The following RNASEH1 variants were observed in gnomAD, a reference collection of about 807,000 sequenced individuals.
RNASEH1 encodes ribonuclease H1.
A neutral mutation model predicts 34.6 loss-of-function variants in RNASEH1; 27 were observed. The observed-to-expected ratio is 0.78, with a 90% confidence interval of 0.58 to 1.08. RNASEH1 has a LOEUF of 1.08. Ranked by LOEUF, RNASEH1 falls within the 50% of genes least tolerant of loss-of-function variation. The pLI is 0.00. For missense variants in RNASEH1, 349 were observed against 373.6 expected (o/e 0.93, Z 0.54); for synonymous variants, 162 against 138.4 (o/e 1.17, Z -1.20).
rs562154560 is a variant in RNASEH1 at position 3,555,361 on chromosome 2, A to G, written c.244+1428T>C. 3.1e-4 allele frequency among the ~76,000 whole-genome samples: 47 copies of G among 152,346 alleles called. No homozygotes were observed. In the South Asian group the frequency reaches 5.2e-3, roughly 17 times the overall value. ...CTCAGCTTATTGGCTGTCATGCAGT[A>G]AGCAGTAAGAACTGTCACATCGATG... is the stretch of plus-strand genomic sequence containing the variant. On this transcript the variant is annotated intron_variant, in intron 2 of 7. Coordinates refer to ENST00000315212, the MANE Select transcript of RNASEH1 (RefSeq NM_002936.6).
chr2:3,547,532 G>C (rs7420482), intron 7 of RNASEH1, among the ~76,000 whole-genome samples: 1 of 150,452 alleles, frequency 6.6e-6, no homozygotes, highest in Non-Finnish European at 1.5e-5. Flanking sequence ...TCGTTGCTCA[G>C]GCTGGAGTGC....
At chr2:3,552,831 T>C (rs1248443037) in intron 2 of RNASEH1, among the ~76,000 whole-genome samples, 1 of 151,814 alleles carries the variant, frequency 6.6e-6, no homozygotes, top group African/African-American at 2.4e-5. Flanking sequence ...CCCCTTTGCT[T>C]AAAAATAGAT....
the RNASEH1 span, chr2:3,532,110 G>A: frequency 1.6e-6 from 1 of 623,928 alleles, no homozygotes. Flanking sequence ...ACGAGTCAGG[G>A]AAGGGGAGTT....
chr2:3,543,377 G>A lies in RNASEH1; in HGVS notation c.*2408C>T, dbSNP rs1160478692. Among the ~76,000 whole-genome samples the A allele has an allele frequency of 6.6e-6, 1 of 152,172 alleles. No individual in the cohort carries two copies. The highest frequency in any genetic ancestry group is 1.5e-5 in the Non-Finnish European group (1 of 68,020). On this transcript the variant is annotated 3_prime_UTR_variant, in exon 8 of 8. Coordinates refer to ENST00000315212, the MANE Select transcript of RNASEH1 (RefSeq NM_002936.6). ...AAAGTTTTTCTTTTAAGACAGGTTT[G>A]GAGCAGAAGCTCTATAAATTGGGCC...
the RNASEH1 span, chr2:3,531,832 T>C: frequency 1.9e-5 from 3 of 155,800 alleles, no homozygotes; most frequent in Non-Finnish European, 4.2e-5. Flanking sequence ...TTGAAGAGTG[T>C]TTATTTGGAA....
downstream of RNASEH1, among the ~76,000 whole-genome samples, chr2:3,540,806 TCA>T (rs1315997815): frequency 6.6e-6 from 1 of 152,020 alleles, no homozygotes; most frequent in African/African-American, 2.4e-5. Flanking sequence ...TTTTTTTAAA[TCA>T]CAGATTCTCA....
At chr2:3,556,390 C>G (rs117599576) in intron 2 of RNASEH1, among the ~76,000 whole-genome samples, 8 of 150,636 alleles carry the variant, frequency 5.3e-5, no homozygotes, top group African/African-American at 2.0e-4. Context: ...ACTGTAGCCT[C>G]CACTTCTCGG....
At position 3,541,683 on chromosome 2, in the gene RNASEH1, C is replaced by G. The variant is rs986823719; in HGVS notation, c.*4102G>C. On this transcript the variant is annotated 3_prime_UTR_variant, in exon 8 of 8. Transcript: ENST00000315212. Reference sequence around the variant, plus strand: ...TAAATTAACCTTTAGTGAGAGGGAGCAGACCAGTGGTTGCCTGAACATGGA... The same window carrying G: ...TAAATTAACCTTTAGTGAGAGGGAGGAGACCAGTGGTTGCCTGAACATGGA... Among the ~76,000 whole-genome samples the G allele has an allele frequency of 6.6e-6, 1 of 152,194 alleles. No homozygotes were observed. Among genetic ancestry groups the G allele is most frequent in the East Asian group, 1.9e-4 (1 of 5,194 alleles).
In RNASEH1 at chr2:3,541,873, C is replaced by T. The variant is rs1210651544; in HGVS notation, c.*3912G>A. ...AGCTGTTTTAAAAAGCAAGGTGGGG[C>T]CGGCTTTGGTGGCTCACACCTGTAA... On this transcript the variant is annotated 3_prime_UTR_variant, in exon 8 of 8. Transcript: ENST00000315212. Among the ~76,000 whole-genome samples the T allele has an allele frequency of 6.6e-6, 1 of 152,180 alleles. No homozygotes were observed. Among genetic ancestry groups the T allele is most frequent in the East Asian group, 1.9e-4 (1 of 5,200 alleles).
At chr2:3,552,453 G>A (rs1660043848) in intron 2 of RNASEH1, 145 bp from the exon 3 acceptor site, 5 of 741,718 alleles carry the variant, frequency 6.7e-6, no homozygotes, top group South Asian at 3.9e-5. Flanking sequence ...CGAGGGAAAC[G>A]AGGGAATGAC....
At chr2:3,540,633 G>A (rs534936375), downstream of RNASEH1, among the ~76,000 whole-genome samples, 39 of 152,222 alleles carry the variant, frequency 2.6e-4, no homozygotes, top group African/African-American at 8.7e-4. Context: ...GGTCTTGAAC[G>A]CCTGACCTCG....
intron 2 of RNASEH1, among the ~76,000 whole-genome samples, chr2:3,555,909 G>A (rs1437347562): frequency 6.6e-6 from 1 of 152,070 alleles, no homozygotes; most frequent in Non-Finnish European, 1.5e-5. Context: ...GGTGGCTCAT[G>A]CCTGGAATCC....
chr2:3,547,805 A>G, intron 7 of RNASEH1, 126 bp downstream of exon 7: 1 of 965,006 alleles, frequency 1.0e-6, no homozygotes, highest in South Asian at 1.5e-5. Context: ...GTTGTAATAT[A>G]CATTATGATA....
chr2:3,534,705 G>A, the RNASEH1 span, among the ~76,000 whole-genome samples: 1 of 152,394 alleles, frequency 6.6e-6, no homozygotes, highest in African/African-American at 2.4e-5. Context: ...ATCACCAGCA[G>A]TGATCCTTGG....
At chr2:3,537,345 T>C (rs1413404904), downstream of RNASEH1, among the ~76,000 whole-genome samples, 1 of 152,198 alleles carries the variant, frequency 6.6e-6, no homozygotes, top group Admixed American at 6.5e-5. Flanking sequence ...GCCCTTTACC[T>C]GCCCTCTTTG....
chr2:3,555,835 G>A (rs1412367969), intron 2 of RNASEH1, among the ~76,000 whole-genome samples: 2 of 152,046 alleles, frequency 1.3e-5, no homozygotes, highest in African/African-American at 4.8e-5. Context: ...CTTATATTGG[G>A]CTTTAAACTT....
At position 3,558,200 on chromosome 2, in the gene RNASEH1, C is replaced by A. The variant is rs1384789652; in HGVS notation, c.61G>T (p.Gly21Cys). ...TAGAACATCCCGAACCCGCGAGAGC[C>A]GCGGCGGCAGGGCAAGGCGGCCAAG... is the stretch of plus-strand genomic sequence containing the variant. ...VALAALPCRR[G>C]SRGFGMFYAV... Residue 21 changes from glycine to cysteine, a missense_variant, in exon 1 of 8, where the codon GGC becomes TGC. This residue lies in a region of RNASEH1 where 256 missense variants were observed against 240.7 expected (regional missense o/e 1.06). Coordinates refer to ENST00000315212, the MANE Select transcript of RNASEH1 (RefSeq NM_002936.6). 6.2e-7 allele frequency: 1 copy of A among 1,601,588 alleles called. No homozygotes were observed. Among genetic ancestry groups the A allele is most frequent in the East Asian group, 2.3e-5 (1 of 43,646 alleles).
intron 4 of RNASEH1, 175 bp downstream of exon 4, chr2:3,550,198 T>C (rs1669157411): frequency 8.3e-6 from 5 of 602,572 alleles, no homozygotes; most frequent in East Asian, 8.2e-5. Flanking sequence ...GTACCTCACG[T>C]TCTGAAAAGC....
In RNASEH1 at chr2:3,550,360, T is replaced by G; in HGVS notation, c.509+13A>C. ...GAACATGATTCAGTAAAACTCAGCTTCGTTTAACTTACAAAGGATGGCCTG... is the reference window on the plus strand; with the variant it reads ...GAACATGATTCAGTAAAACTCAGCTGCGTTTAACTTACAAAGGATGGCCTG... On this transcript the variant is annotated intron_variant, in intron 4 of 7. Transcript: ENST00000315212. 2 of 1,592,822 alleles carry G rather than the reference T, an allele frequency of 1.3e-6. No individual in the cohort carries two copies. The highest frequency in any genetic ancestry group is 1.7e-6 in the Non-Finnish European group (2 of 1,160,646).
Sources: gnomAD v4.1 joint callset for allele counts (sites outside exome capture counted in the v4.1 genomes callset) on GRCh38, gnomAD v4.1.1 for gene constraint, gnomAD v4.1.1 regional missense constraint, MANE v1.5 for transcripts, NCBI Gene and HGNC (gene_info 2026-07-23, HGNC 2026-07-21) for gene names.